The following LRRC4C variants were observed in gnomAD, a reference collection of about 807,000 sequenced individuals.
The protein encoded by LRRC4C is leucine rich repeat containing 4C.
LRRC4C carries 5 observed loss-of-function variants against 33.6 expected under a neutral mutation model. The ratio of observed to expected loss-of-function variants is 0.15; its 90% CI spans 0.08 to 0.31. LRRC4C has a LOEUF of 0.31. LRRC4C is among the 10% of genes least tolerant of loss of function. The pLI is 1.00. For missense variants in LRRC4C, 560 were observed against 796.7 expected, an observed-to-expected ratio of 0.70 and a Z score of 3.58; for synonymous variants, 329 against 302.0, an observed-to-expected ratio of 1.09 and a Z score of -0.93.
At chr11:41,304,483 A>G (rs1950407101) in intron 1 of LRRC4C, among the ~76,000 whole-genome samples, 2 of 89,234 alleles carry the variant, frequency 2.2e-5, no homozygotes, top group Non-Finnish European at 4.5e-5. Flanking sequence ...GGAAGTGAGG[A>G]GCCCCTCTGC....
At chr11:41,068,256 G>C (rs1208229765) in intron 1 of LRRC4C, among the ~76,000 whole-genome samples, 3 of 152,038 alleles carry the variant, frequency 2.0e-5, no homozygotes, top group Non-Finnish European at 4.4e-5. Flanking sequence ...AGCTGGGCAT[G>C]GTGGCAAGTT....
intron 1 of LRRC4C, among the ~76,000 whole-genome samples, chr11:41,170,914 AC>A (rs1383384296): frequency 6.6e-6 from 1 of 152,144 alleles, no homozygotes; most frequent in African/African-American, 2.4e-5. Flanking sequence ...ACAAGAAAAA[AC>A]AAACAACCCC....
chr11:40,793,400 C>T (rs1950705134), intron 2 of LRRC4C, among the ~76,000 whole-genome samples: 1 of 152,030 alleles, frequency 6.6e-6, no homozygotes, highest in African/African-American at 2.4e-5. Context: ...GTTTTTTAGG[C>T]AATTGGAAGA....
At chr11:40,657,648 T>A (rs761312149) in intron 2 of LRRC4C, among the ~76,000 whole-genome samples, 1 of 152,236 alleles carries the variant, frequency 6.6e-6, no homozygotes, top group Admixed American at 6.5e-5. Flanking sequence ...TTGCTTCAAG[T>A]TGTCCTGCCT....
In LRRC4C at chr11:41,444,070, C is replaced by T. The variant is rs944771547; in HGVS notation, c.-496+15361G>A. On this transcript the variant is annotated intron_variant, in intron 1 of 6. Transcript: ENST00000528697. ...GGAACACAGGTAAATTCCACAGATG[C>T]GAAGGAATTTCCGAACCTCTAATGC... Among the ~76,000 whole-genome samples the T allele has an allele frequency of 4.0e-5, 6 of 151,866 alleles. No homozygotes were observed. The East Asian group carries it at 9.7e-4, about 24-fold the overall frequency.
chr11:40,705,508 C>T (rs1358986045), intron 2 of LRRC4C, among the ~76,000 whole-genome samples: 2 of 136,674 alleles, frequency 1.5e-5, no homozygotes, highest in Non-Finnish European at 3.2e-5. Context: ...TTTCCAGCTT[C>T]ATCCACGTGG....
chr11:41,248,429 C>T (rs1253041052), intron 1 of LRRC4C, among the ~76,000 whole-genome samples: 1 of 152,164 alleles, frequency 6.6e-6, no homozygotes, highest in Non-Finnish European at 1.5e-5. Flanking sequence ...GTTTACTTGA[C>T]CTATCAACAA....
intron 3 of LRRC4C, among the ~76,000 whole-genome samples, chr11:40,635,484 A>G (rs1327657452): frequency 6.6e-6 from 1 of 152,182 alleles, no homozygotes; most frequent in African/African-American, 2.4e-5. Flanking sequence ...ACACAGACAC[A>G]TAGACAGTAG....
At chr11:41,031,178 T>C (rs1002260795) in intron 1 of LRRC4C, among the ~76,000 whole-genome samples, 1 of 151,916 alleles carries the variant, frequency 6.6e-6, no homozygotes, top group African/African-American at 2.4e-5. Context: ...AGTAGGTATT[T>C]GTACAGTGTG....
intron 1 of LRRC4C, among the ~76,000 whole-genome samples, chr11:41,399,309 A>C (rs2138086425): frequency 6.6e-6 from 1 of 152,034 alleles, no homozygotes; most frequent in East Asian, 1.9e-4. Flanking sequence ...GAGGGGTGAA[A>C]ACGCAACTTT....
chr11:41,159,316 A>G (rs754706950), intron 1 of LRRC4C, among the ~76,000 whole-genome samples: 3 of 152,066 alleles, frequency 2.0e-5, no homozygotes, highest in Non-Finnish European at 4.4e-5. Flanking sequence ...CATAAAAATA[A>G]AACATTAAAA....
At chr11:40,302,671 A>G (rs1944831541) in intron 4 of LRRC4C, among the ~76,000 whole-genome samples, 1 of 152,236 alleles carries the variant, frequency 6.6e-6, no homozygotes, top group Non-Finnish European at 1.5e-5. Flanking sequence ...CCATTTATGT[A>G]TTGAACGAGC....
intron 2 of LRRC4C, among the ~76,000 whole-genome samples, chr11:40,692,159 A>T (rs1945247200): frequency 6.6e-6 from 1 of 152,062 alleles, no homozygotes; most frequent in Non-Finnish European, 1.5e-5. Context: ...TGAGAAAATG[A>T]ACCCGAGAGA....
chr11:41,131,489 G>A (rs1006083350), intron 1 of LRRC4C, among the ~76,000 whole-genome samples: 1 of 151,936 alleles, frequency 6.6e-6, no homozygotes, highest in African/African-American at 2.4e-5. Context: ...TTGAATTATA[G>A]TTACGACCAT....
At chr11:41,071,336 C>T (rs1368911164) in intron 1 of LRRC4C, among the ~76,000 whole-genome samples, 1 of 152,012 alleles carries the variant, frequency 6.6e-6, no homozygotes, top group Non-Finnish European at 1.5e-5. Context: ...TTGATAGGTG[C>T]AGCAAACCAC....
chr11:40,901,460 C>T (rs1270950919), intron 2 of LRRC4C, among the ~76,000 whole-genome samples: 2 of 151,900 alleles, frequency 1.3e-5, no homozygotes, highest in African/African-American at 2.4e-5. Context: ...TCTTTGAAGG[C>T]CATACAAGAA....
chr11:40,590,919 T>C (rs1959019870), intron 3 of LRRC4C, among the ~76,000 whole-genome samples: 1 of 152,234 alleles, frequency 6.6e-6, no homozygotes, highest in Admixed American at 6.5e-5. Flanking sequence ...CAGAAGTTAC[T>C]GCTGTCTTTT....
intron 1 of LRRC4C, among the ~76,000 whole-genome samples, chr11:41,359,135 GA>G (rs147306757): frequency 1.6e-4 from 23 of 142,832 alleles, no homozygotes; most frequent in South Asian, 4.5e-4. Flanking sequence ...TTCTGAAAAA[GA>G]AAAAAAAAAC....
intron 3 of LRRC4C, among the ~76,000 whole-genome samples, chr11:40,433,726 C>T (rs1951028346): frequency 1.3e-5 from 2 of 152,052 alleles, no homozygotes; most frequent in Admixed American, 6.5e-5. Context: ...TATCATGTTG[C>T]CCACAGAGGA....
Sources: gnomAD v4.1 joint callset for allele counts (sites outside exome capture counted in the v4.1 genomes callset) on GRCh38, gnomAD v4.1.1 for gene constraint, MANE v1.5 for transcripts, NCBI Gene and HGNC (gene_info 2026-07-23, HGNC 2026-07-21) for gene names.